AGBL1: variants seen among roughly 807,000 people sequenced by gnomAD.
AGBL1 encodes the protein cytosolic carboxypeptidase 4.
Under a neutral mutation model 118.9 loss-of-function variants are expected in AGBL1, and 130 were observed. The ratio of observed to expected loss-of-function variants is 1.09; its 90% CI spans 0.95 to 1.26. AGBL1 has a LOEUF of 1.26. Ranked by LOEUF, AGBL1 falls within the 50% of genes most tolerant of loss-of-function variation. The pLI, the probability that AGBL1 is intolerant of heterozygous loss-of-function variation, is 0.00. For missense variants in AGBL1, 1,584 were observed against 1,298.1 expected (o/e 1.22, Z -3.38); for synonymous variants, 555 against 478.9 (o/e 1.16, Z -2.08).
chr15:86,527,755 A>C (rs1020305860), intron 19 of AGBL1, among the ~76,000 whole-genome samples: 3 of 152,234 alleles, frequency 2.0e-5, no homozygotes, highest in African/African-American at 4.8e-5. Context: ...GAGTGGATTA[A>C]TATGACTCCC....
chr15:86,502,717 T>C (rs1193236701), intron 18 of AGBL1, among the ~76,000 whole-genome samples: 1 of 151,470 alleles, frequency 6.6e-6, no homozygotes, highest in Admixed American at 6.6e-5. Flanking sequence ...TGTATTACAT[T>C]GATGGATTTA....
chr15:86,287,385 G>A (rs68087641), intron 16 of AGBL1, among the ~76,000 whole-genome samples: 53,226 of 151,896 alleles, frequency 0.35, 9,763 homozygotes, highest in African/African-American at 0.4. Flanking sequence ...CTTTTGCTTT[G>A]TTTGTCTGTG....
chr15:86,222,760 T>C (rs2078299293), intron 5 of AGBL1, among the ~76,000 whole-genome samples: 2 of 152,204 alleles, frequency 1.3e-5, no homozygotes, highest in Non-Finnish European at 2.9e-5. Flanking sequence ...TTTCCAGCTA[T>C]ATAATGTCAC....
intron 23 of AGBL1, among the ~76,000 whole-genome samples, chr15:86,938,636 T>C (rs1273686975): frequency 1.3e-5 from 2 of 152,130 alleles, no homozygotes; most frequent in Admixed American, 6.5e-5. Flanking sequence ...CTCAAGCCAA[T>C]ATCTCTCTCT....
At chr15:86,719,415 C>T (rs939874775) in intron 22 of AGBL1, among the ~76,000 whole-genome samples, 4 of 152,110 alleles carry the variant, frequency 2.6e-5, no homozygotes, top group Admixed American at 6.6e-5. Flanking sequence ...ATCCACTAAT[C>T]TAAAAAGAAA....
intron 17 of AGBL1, among the ~76,000 whole-genome samples, chr15:86,380,247 C>CCTGCCTGCCTG (rs879779744): frequency 9.9e-6 from 1 of 100,986 alleles, no homozygotes; most frequent in Non-Finnish European, 2.0e-5. Flanking sequence ...CTGCCTGCCT[C>CCTGCCTGCCTG]CCTCCCTCCC....
chr15:86,677,562 A>G (rs1405863592), intron 22 of AGBL1, among the ~76,000 whole-genome samples: 1 of 152,072 alleles, frequency 6.6e-6, no homozygotes, highest in African/African-American at 2.4e-5. Context: ...CTCGATTTGT[A>G]TCCCTCCACT....
intron 21 of AGBL1, among the ~76,000 whole-genome samples, chr15:86,614,493 A>C: frequency 6.6e-6 from 1 of 152,154 alleles, no homozygotes; most frequent in East Asian, 1.9e-4. Flanking sequence ...ATTAGTAAGA[A>C]GATTTAGGTA....
In AGBL1 at chr15:86,565,138, G is replaced by A. The variant is rs181594670; in HGVS notation, c.2994+10601G>A. Among the ~76,000 whole-genome samples the A allele has an allele frequency of 4.8e-3, 734 of 152,328 alleles. 5 individuals carry two copies. The highest frequency in any genetic ancestry group is 7.3e-3 in the Non-Finnish European group (500 of 68,030). On this transcript the variant is annotated intron_variant, in intron 21 of 22. Transcript: ENST00000614907. ...AGCCTTCTTCTCTCAAATCGTCAAAGTCATTCTCTGTCCAGCTTTGTTCCA... is the reference window on the plus strand; with the variant it reads ...AGCCTTCTTCTCTCAAATCGTCAAAATCATTCTCTGTCCAGCTTTGTTCCA...
intron 21 of AGBL1, among the ~76,000 whole-genome samples, chr15:86,658,945 G>A (rs1356651523): frequency 6.6e-6 from 1 of 152,172 alleles, no homozygotes; most frequent in East Asian, 1.9e-4. Flanking sequence ...ATTCAGTGGA[G>A]GTTATAGTAA....
intron 22 of AGBL1, among the ~76,000 whole-genome samples, chr15:86,838,950 A>AAAG (rs1408567854): frequency 6.8e-6 from 1 of 146,994 alleles, no homozygotes; most frequent in Non-Finnish European, 1.5e-5. Flanking sequence ...GTAAAAAAAA[A>AAAG]AAAAAAAAAA....
rs575065015 is a variant in AGBL1 at position 86,537,511 on chromosome 15, A to G, written c.2686-8491A>G. 1.4e-3 allele frequency among the ~76,000 whole-genome samples: 216 copies of G among 152,376 alleles called. 6 individuals carry two copies. In the South Asian group the frequency reaches 0.043, roughly 31 times the overall value. ...AGGAATCTTCCCAGGAACTCACTGC[A>G]TAAGTGCCTTCTCAGGGCATTAGGC... On this transcript the variant is annotated intron_variant, in intron 19 of 22. Transcript: ENST00000614907.
At chr15:86,698,267 C>T (rs533591552) in intron 22 of AGBL1, among the ~76,000 whole-genome samples, 1 of 152,104 alleles carries the variant, frequency 6.6e-6, no homozygotes, top group East Asian at 1.9e-4. Context: ...AACTGATGAA[C>T]AGACCTGGAG....
At chr15:86,445,868 T>C (rs2082114393) in intron 18 of AGBL1, among the ~76,000 whole-genome samples, 1 of 152,216 alleles carries the variant, frequency 6.6e-6, no homozygotes, top group Non-Finnish European at 1.5e-5. Context: ...TGGGGCCGTG[T>C]AAAAGTCGAC....
chr15:86,836,848 C>A (rs1330537262), intron 22 of AGBL1, among the ~76,000 whole-genome samples: 1 of 152,178 alleles, frequency 6.6e-6, no homozygotes, highest in Non-Finnish European at 1.5e-5. Context: ...ATAGTAGTAG[C>A]CATTCCTGCT....
At chr15:86,835,035 C>G (rs1258594044) in intron 22 of AGBL1, among the ~76,000 whole-genome samples, 1 of 152,086 alleles carries the variant, frequency 6.6e-6, no homozygotes, top group Non-Finnish European at 1.5e-5. Flanking sequence ...AGTAAGGTAC[C>G]TACATATGGA....
chr15:86,468,451 G>T (rs16977418), intron 18 of AGBL1, among the ~76,000 whole-genome samples: 27,596 of 152,012 alleles, frequency 0.18, 2,953 homozygotes, highest in African/African-American at 0.29. Flanking sequence ...TGGGCACTTG[G>T]CTCCCTCATT....
At chr15:86,808,713 C>G (rs1301556731) in intron 22 of AGBL1, among the ~76,000 whole-genome samples, 1 of 149,532 alleles carries the variant, frequency 6.7e-6, no homozygotes, top group Admixed American at 6.7e-5. Context: ...TTCCTTCTTC[C>G]CTTTTCTTTC....
chr15:86,558,725 T>C (rs2083772367), intron 21 of AGBL1, among the ~76,000 whole-genome samples: 1 of 152,178 alleles, frequency 6.6e-6, no homozygotes, highest in South Asian at 2.1e-4. Context: ...GAACTCCGTG[T>C]TCAGGGCTCC....
Sources: allele counts gnomAD v4.1 joint callset (sites outside exome capture counted in the v4.1 genomes callset), GRCh38; gene constraint gnomAD v4.1.1; transcripts MANE v1.5; gene names NCBI Gene and HGNC (gene_info 2026-07-23, HGNC 2026-07-21).